The following TTC39B variants were observed in gnomAD, a reference collection of about 807,000 sequenced individuals.
TTC39B encodes the protein tetratricopeptide repeat protein 39B.
TTC39B carries 92 observed loss-of-function variants against 96.6 expected under a neutral mutation model. That is an observed-to-expected ratio of 0.95 (90% CI 0.80 to 1.13). The LOEUF is 1.13. TTC39B is among the 50% of genes most tolerant of loss of function. The pLI is 0.00. For missense variants in TTC39B, 955 were observed against 809.3 expected (o/e 1.18, Z -2.18); for synonymous variants, 367 against 299.4 (o/e 1.23, Z -2.33).
intron 3 of TTC39B, among the ~76,000 whole-genome samples, chr9:15,225,578 C>T (rs1292237659): frequency 6.6e-6 from 1 of 152,014 alleles, no homozygotes; most frequent in African/African-American, 2.4e-5. Flanking sequence ...TTTCTCCTTT[C>T]CTCCATTTTC....
chr9:15,293,742 T>C (rs1367797353), intron 1 of TTC39B, among the ~76,000 whole-genome samples: 1 of 152,226 alleles, frequency 6.6e-6, no homozygotes, highest in Non-Finnish European at 1.5e-5. Flanking sequence ...ATATTTTAAG[T>C]TTGGCCTAAA....
At chr9:15,208,505 A>G (rs1820005614) in intron 6 of TTC39B, among the ~76,000 whole-genome samples, 1 of 152,172 alleles carries the variant, frequency 6.6e-6, no homozygotes, top group South Asian at 2.1e-4. Context: ...AAAAAGGTTC[A>G]ATTTCTTTTG....
intron 3 of TTC39B, among the ~76,000 whole-genome samples, chr9:15,216,263 C>T (rs1490202012): frequency 6.6e-6 from 1 of 152,118 alleles, no homozygotes; most frequent in Non-Finnish European, 1.5e-5. Flanking sequence ...TCCTGTGCAC[C>T]AGTGCCTTCG....
intron 7 of TTC39B, 25 bp from the exon 8 acceptor site, chr9:15,199,950 T>A: frequency 7.1e-7 from 1 of 1,407,132 alleles, no homozygotes; most frequent in Non-Finnish European, 9.8e-7. Flanking sequence ...GTTAAAAAAT[T>A]AGATTATTTA....
At chr9:15,209,811 A>G (rs2131343406) in intron 6 of TTC39B, among the ~76,000 whole-genome samples, 1 of 152,308 alleles carries the variant, frequency 6.6e-6, no homozygotes, top group South Asian at 2.1e-4. Flanking sequence ...ACATTGTAGG[A>G]CAACACCTAT....
chr9:15,219,740 A>G (rs1586900657), intron 3 of TTC39B, among the ~76,000 whole-genome samples: 1 of 152,192 alleles, frequency 6.6e-6, no homozygotes, highest in Non-Finnish European at 1.5e-5. Flanking sequence ...TGAGTTGGAA[A>G]GAAACACAGG....
At chr9:15,186,879 T>C (rs1818555779) in intron 15 of TTC39B, 65 bp downstream of exon 15, 1 of 1,435,012 alleles carries the variant, frequency 7.0e-7, no homozygotes, top group Non-Finnish European at 9.8e-7. Context: ...GTATTTTCAG[T>C]AGAGATGAGA....
At chr9:15,240,458 G>A (rs1439610141) in intron 2 of TTC39B, among the ~76,000 whole-genome samples, 1 of 152,058 alleles carries the variant, frequency 6.6e-6, no homozygotes, top group Non-Finnish European at 1.5e-5. Context: ...AGTATTATTT[G>A]TAGGGCGTGG....
chr9:15,186,911 G>C (rs1818558571), intron 15 of TTC39B, 33 bp downstream of exon 15: 1 of 1,595,926 alleles, frequency 6.3e-7, no homozygotes. Flanking sequence ...TATACCCTCA[G>C]AGCCTTTGTT....
At chr9:15,264,781 C>A (rs977885577) in intron 2 of TTC39B, among the ~76,000 whole-genome samples, 3 of 148,680 alleles carry the variant, frequency 2.0e-5, no homozygotes, top group East Asian at 2.0e-4. Context: ...CTTATATATA[C>A]ACAATAAAAT....
Position 15,185,279 on chromosome 9 carries a change from C to T in TTC39B, c.1614+1G>A. On this transcript the variant is annotated splice_donor_variant, in intron 16 of 19. Transcript: ENST00000512701. LOFTEE classifies it high-confidence loss of function. The stretch of plus-strand genomic sequence containing the variant: ...CATGAAAAGAAAATAAAAGCAGATA[C>T]CAGGGCAGGTAAGATGAGCTTCACA... 1.9e-6 allele frequency: 3 copies of T among 1,608,782 alleles called. No individual in the cohort carries two copies. The South Asian group carries it at 3.3e-5, about 18-fold the overall frequency.
intron 2 of TTC39B, among the ~76,000 whole-genome samples, chr9:15,267,245 T>G (rs1215803065): frequency 6.6e-6 from 1 of 152,232 alleles, no homozygotes; most frequent in Non-Finnish European, 1.5e-5. Context: ...AAATAAATTA[T>G]TGTTGATTAA....
intron 2 of TTC39B, among the ~76,000 whole-genome samples, chr9:15,248,312 G>T (rs1044420900): frequency 1.3e-5 from 2 of 152,148 alleles, no homozygotes; most frequent in African/African-American, 4.8e-5. Flanking sequence ...TGCTGAACCA[G>T]TTAACTCATT....
At chr9:15,188,553 A>C (rs535429502) in intron 13 of TTC39B, among the ~76,000 whole-genome samples, 2 of 152,326 alleles carry the variant, frequency 1.3e-5, no homozygotes, top group East Asian at 3.9e-4. Flanking sequence ...ATTCTGTAAG[A>C]AAAAGAAAAC....
In TTC39B at chr9:15,199,939, A is replaced by C; in HGVS notation, c.760-14T>G. On this transcript the variant is annotated splice_polypyrimidine_tract_variant and intron_variant, in intron 7 of 19. Transcript: ENST00000512701. ...CATATTTTCATCCTGAAAATAATTC[A>C]GTTAAAAAATTAGATTATTTAGCAA... 6.6e-7 allele frequency: 1 copy of C among 1,507,156 alleles called. No homozygotes were observed. The highest frequency in any genetic ancestry group is 9.1e-7 in the Non-Finnish European group (1 of 1,098,130). 93.4% of individuals were successfully genotyped at this position (1,507,156 alleles called of 1,614,324 possible).
At chr9:15,198,612 A>T (rs1368921463) in intron 8 of TTC39B, among the ~76,000 whole-genome samples, 1 of 151,818 alleles carries the variant, frequency 6.6e-6, no homozygotes, top group Admixed American at 6.6e-5. Context: ...TAAACACTAG[A>T]GCAACCACAA....
chr9:15,222,661 C>T (rs1820910620), intron 3 of TTC39B, among the ~76,000 whole-genome samples: 1 of 152,186 alleles, frequency 6.6e-6, no homozygotes, highest in South Asian at 2.1e-4. Context: ...GATTTGGTAA[C>T]TAAAGCTACC....
At position 15,189,807 on chromosome 9, in the gene TTC39B, G is replaced by T; in HGVS notation, c.1106-15C>A. 1.9e-6 allele frequency: 3 copies of T among 1,580,268 alleles called. No individual in the cohort carries two copies. Among genetic ancestry groups the T allele is most frequent in the Admixed American group, 3.5e-5 (2 of 57,684 alleles). Reference sequence around the variant, plus strand: ...TTCTCCTGTACCTAGAAATTTAACAGGAAAAGACTCAGTCTTCATAAGACA... The same window carrying T: ...TTCTCCTGTACCTAGAAATTTAACATGAAAAGACTCAGTCTTCATAAGACA... On this transcript the variant is annotated splice_polypyrimidine_tract_variant and intron_variant, in intron 11 of 19. Transcript: ENST00000512701.
chr9:15,307,030 G>C (rs1290642418), intron 1 of TTC39B, 54 bp downstream of exon 1: 20 of 1,587,090 alleles, frequency 1.3e-5, no homozygotes, highest in Non-Finnish European at 3.4e-6. Flanking sequence ...CTTCTCTCCC[G>C]GACTCCTGTC....
Sources: allele counts gnomAD v4.1 joint callset (sites outside exome capture counted in the v4.1 genomes callset), GRCh38; gene constraint gnomAD v4.1.1; transcripts MANE v1.5; gene names NCBI Gene and HGNC (gene_info 2026-07-23, HGNC 2026-07-21).